The following ABI1 variants were observed in gnomAD, a reference collection of about 807,000 sequenced individuals.
ABI1 encodes Abelson interactor 1.
ABI1 carries 14 observed loss-of-function variants against 54.6 expected under a neutral mutation model. The ratio of observed to expected loss-of-function variants is 0.26; its 90% CI spans 0.17 to 0.40. The LOEUF (loss-of-function observed/expected upper bound fraction) is 0.40, where lower values mean the gene tolerates loss of function less well. Ranked by LOEUF, ABI1 falls within the 10% of genes least tolerant of loss-of-function variation. The pLI, the probability that ABI1 is intolerant of heterozygous loss-of-function variation, is 1.00. For missense variants in ABI1, 443 were observed against 598.3 expected, an observed-to-expected ratio of 0.74 and a Z score of 2.71; for synonymous variants, 194 against 209.3, an observed-to-expected ratio of 0.93 and a Z score of 0.63.
At chr10:26,752,185 C>G (rs998860489) in intron 9 of ABI1, among the ~76,000 whole-genome samples, 1 of 152,172 alleles carries the variant, frequency 6.6e-6, no homozygotes, top group African/African-American at 2.4e-5. Context: ...TTTGATCACT[C>G]TTCACTCTGC....
intron 7 of ABI1, among the ~76,000 whole-genome samples, chr10:26,763,696 T>C (rs1839529849): frequency 1.3e-5 from 2 of 152,244 alleles, no homozygotes; most frequent in Admixed American, 1.3e-4. Flanking sequence ...TGTTTTATAT[T>C]TGTTTACTGT....
At chr10:26,782,834 T>C (rs904119625) in intron 2 of ABI1, among the ~76,000 whole-genome samples, 2 of 151,688 alleles carry the variant, frequency 1.3e-5, no homozygotes, top group Non-Finnish European at 2.9e-5. Context: ...CAACCTCACA[T>C]CCATAATGAT....
At chr10:26,850,555 G>A (rs977087150) in intron 1 of ABI1, among the ~76,000 whole-genome samples, 1 of 152,092 alleles carries the variant, frequency 6.6e-6, no homozygotes. Context: ...CTACTCAAGA[G>A]GCTAAGGCAG....
intron 5 of ABI1, among the ~76,000 whole-genome samples, chr10:26,769,819 G>A (rs1479246384): frequency 6.6e-6 from 1 of 152,102 alleles, no homozygotes; most frequent in Non-Finnish European, 1.5e-5. Context: ...CTAAGTCTCA[G>A]ACACCAATAG....
intron 2 of ABI1, among the ~76,000 whole-genome samples, chr10:26,808,721 T>TCAA (rs767707882): frequency 1.3e-5 from 2 of 151,788 alleles, no homozygotes; most frequent in Non-Finnish European, 2.9e-5. Context: ...AGACCCCGTC[T>TCAA]CAACAACAAC....
At chr10:26,765,374 A>G in intron 6 of ABI1, 56 bp from the exon 7 acceptor site, 2 of 1,295,256 alleles carry the variant, frequency 1.5e-6, no homozygotes, top group Non-Finnish European at 1.1e-6. Flanking sequence ...ATTTAAAAAA[A>G]AACTGTAATC....
intron 1 of ABI1, among the ~76,000 whole-genome samples, chr10:26,857,364 G>A (rs1464793908): frequency 1.4e-5 from 2 of 147,862 alleles, no homozygotes; most frequent in East Asian, 4.0e-4. Flanking sequence ...TTTCTGGCAA[G>A]GTGCAGTGGC....
At chr10:26,755,607 T>A in intron 9 of ABI1, 48 bp downstream of exon 9, 1 of 1,450,660 alleles carries the variant, frequency 6.9e-7, no homozygotes, top group Non-Finnish European at 9.7e-7. Flanking sequence ...ATGCATGCTA[T>A]AAGGAGACAG....
At chr10:26,796,685 G>A (rs1427323971) in intron 2 of ABI1, among the ~76,000 whole-genome samples, 3 of 152,194 alleles carry the variant, frequency 2.0e-5, no homozygotes, top group African/African-American at 7.2e-5. Context: ...AAGTAACTAT[G>A]TGAAATGACA....
chr10:26,818,722 T>C (rs925058229), intron 2 of ABI1, among the ~76,000 whole-genome samples: 1 of 151,112 alleles, frequency 6.6e-6, no homozygotes. Context: ...TGGCGACTTA[T>C]ACCTGTAATC....
chr10:26,776,206 T>G (rs1483049870), intron 3 of ABI1, among the ~76,000 whole-genome samples: 1 of 152,200 alleles, frequency 6.6e-6, no homozygotes, highest in Non-Finnish European at 1.5e-5. Context: ...AGGTCAATGC[T>G]GTCAGCTATA....
chr10:26,846,285 A>G (rs9334169), intron 1 of ABI1, among the ~76,000 whole-genome samples: 28 of 151,988 alleles, frequency 1.8e-4, no homozygotes, highest in African/African-American at 6.5e-4. Flanking sequence ...ACAAGAGTAA[A>G]CTTCATAAAA....
At chr10:26,842,079 C>A (rs1489850895) in intron 1 of ABI1, among the ~76,000 whole-genome samples, 1 of 152,194 alleles carries the variant, frequency 6.6e-6, no homozygotes, top group African/African-American at 2.4e-5. Flanking sequence ...TTTCTCCACA[C>A]CCTCGCCAAC....
intron 1 of ABI1, among the ~76,000 whole-genome samples, chr10:26,846,723 C>G (rs932720397): frequency 3.3e-5 from 5 of 152,172 alleles, no homozygotes; most frequent in Non-Finnish European, 4.4e-5. Flanking sequence ...CTACCTACCT[C>G]TTCACAGATG....
intron 2 of ABI1, among the ~76,000 whole-genome samples, chr10:26,810,124 A>T (rs1461414712): frequency 6.6e-6 from 1 of 152,176 alleles, no homozygotes; most frequent in Non-Finnish European, 1.5e-5. Flanking sequence ...AAATGAAGGC[A>T]GACTTCTGGA....
At chr10:26,807,595 T>C (rs11015300) in intron 2 of ABI1, among the ~76,000 whole-genome samples, 22,489 of 152,158 alleles carry the variant, frequency 0.15, 2,173 homozygotes, top group African/African-American at 0.28. Flanking sequence ...CTGAGTTGCA[T>C]GCAGTTCGCT....
chr10:26,754,877 A>G (rs1219418372), intron 9 of ABI1, among the ~76,000 whole-genome samples: 1 of 152,234 alleles, frequency 6.6e-6, no homozygotes, highest in Non-Finnish European at 1.5e-5. Context: ...TGGAATTTCA[A>G]AAGTAATCAG....
At chr10:26,813,467 G>A (rs1486047326) in intron 2 of ABI1, among the ~76,000 whole-genome samples, 1 of 152,130 alleles carries the variant, frequency 6.6e-6, no homozygotes, top group Non-Finnish European at 1.5e-5. Context: ...ATCAAATTGG[G>A]TGATTCTTTT....
At chr10:26,751,927 G>T in intron 9 of ABI1, 144 bp from the exon 10 acceptor site, 1 of 778,700 alleles carries the variant, frequency 1.3e-6, no homozygotes, top group Non-Finnish European at 1.9e-6. Flanking sequence ...AGCTTGGTGT[G>T]TTAAAGTTTA....
Sources: gnomAD v4.1 joint callset for allele counts (sites outside exome capture counted in the v4.1 genomes callset) on GRCh38, gnomAD v4.1.1 for gene constraint, MANE v1.5 for transcripts, NCBI Gene and HGNC (gene_info 2026-07-23, HGNC 2026-07-21) for gene names.